DISP1: variants seen among roughly 807,000 people sequenced by gnomAD.
The protein encoded by DISP1 is protein dispatched homolog 1.
Under a neutral mutation model 37.3 loss-of-function variants are expected in DISP1, and 30 were observed. The ratio of observed to expected loss-of-function variants is 0.80; its 90% CI spans 0.60 to 1.09. DISP1 has a LOEUF of 1.09. Ranked by LOEUF, DISP1 falls within the 50% of genes least tolerant of loss-of-function variation. The probability of loss-of-function intolerance (pLI) is 0.00; values close to 1 mark genes in which losing one functional copy is unlikely to be tolerated. For missense variants in DISP1, 1,598 were observed against 1,879.5 expected, an observed-to-expected ratio of 0.85 and a Z score of 2.77; for synonymous variants, 634 against 690.2, an observed-to-expected ratio of 0.92 and a Z score of 1.28.
chr1:222,894,707 C>T (rs1315735833), intron 1 of DISP1, among the ~76,000 whole-genome samples: 2 of 152,184 alleles, frequency 1.3e-5, no homozygotes, highest in African/African-American at 4.8e-5. Flanking sequence ...TTTGCCAATT[C>T]GGAAATGGGT....
At chr1:222,991,682 C>T in intron 6 of DISP1, 35 bp downstream of exon 6, 3 of 1,589,796 alleles carry the variant, frequency 1.9e-6, no homozygotes, top group Non-Finnish European at 2.6e-6. Context: ...AACTTTTAGA[C>T]AAAACATTGC....
At position 222,977,342 on chromosome 1, in the gene DISP1, CTTTTTT is replaced by C. The variant is rs397982983; in HGVS notation, c.510-5724_510-5719del. ...AGCCACCACGCCCGGTCAGCATATT[CTTTTTT>C]TTTTTTTTTTTTTCAAAGAGGGCTG... On this transcript the variant is annotated intron_variant, in intron 3 of 8. Coordinates refer to ENST00000675850, the MANE Select transcript of DISP1 (RefSeq NM_001377229.1). 5.4e-4 allele frequency among the ~76,000 whole-genome samples: 62 copies of C among 113,888 alleles called. 1 individual carries two copies. In the East Asian group the frequency reaches 0.015, roughly 27 times the overall value. 74.7% of individuals were successfully genotyped at this position (113,888 alleles called of 152,430 possible). A position where few individuals can be genotyped will look rare whatever the true frequency, so the allele number is the denominator to read the frequency against.
intron 1 of DISP1, chr1:222,827,630 A>G (rs749909919): frequency 1.5e-4 from 23 of 152,136 alleles, no homozygotes; most frequent in Admixed American, 3.9e-4. Context: ...AATTTATATA[A>G]TTAATAATCA....
At chr1:222,960,209 G>A (rs61837492) in intron 3 of DISP1, among the ~76,000 whole-genome samples, 16,696 of 152,156 alleles carry the variant, frequency 0.11, 966 homozygotes, top group East Asian at 0.27. Context: ...TTCTAAAATC[G>A]ACCACATAGT....
At chr1:222,939,201 A>G (rs1324317528) in intron 2 of DISP1, among the ~76,000 whole-genome samples, 5 of 152,142 alleles carry the variant, frequency 3.3e-5, no homozygotes, top group Admixed American at 2.6e-4. Flanking sequence ...TTTGAACTGC[A>G]TTTTACCATG....
intron 1 of DISP1, among the ~76,000 whole-genome samples, chr1:222,864,200 C>G (rs1669045994): frequency 6.6e-6 from 1 of 152,238 alleles, no homozygotes; most frequent in East Asian, 1.9e-4. Flanking sequence ...ACTCCCATTT[C>G]CAACAGTGAG....
At chr1:222,871,110 G>A (rs531014731) in intron 1 of DISP1, among the ~76,000 whole-genome samples, 83 of 151,824 alleles carry the variant, frequency 5.5e-4, no homozygotes, top group African/African-American at 1.9e-3. Flanking sequence ...TAGATACGCG[G>A]CATTATTTCT....
rs190362253 is a variant in DISP1, at chr1:222,862,362, T to G, written c.-159+47284T>G. 9.0e-4 allele frequency among the ~76,000 whole-genome samples: 137 copies of G among 152,270 alleles called. 4 individuals carry two copies. In the South Asian group the frequency reaches 0.028, roughly 31 times the overall value. ...AGTTGTTGCCATTACACCCTTTTAC[T>G]CCTAAACACTTTAGTATGTAGTTCC... On this transcript the variant is annotated intron_variant, in intron 1 of 8. Transcript: ENST00000675850.
At chr1:222,851,075 T>A (rs1368026540) in intron 1 of DISP1, among the ~76,000 whole-genome samples, 1 of 150,266 alleles carries the variant, frequency 6.7e-6, no homozygotes, top group East Asian at 1.9e-4. Flanking sequence ...TTTTTTTTTT[T>A]TTTTTTTGAG....
chr1:222,839,930 C>CAAA lies in DISP1; in HGVS notation c.-159+24863_-159+24865dup, dbSNP rs113532897. On this transcript the variant is annotated intron_variant, in intron 1 of 8. Transcript: ENST00000675850. ...CCTGGGTAACAGAGCAAGACTGTCT[C>CAAA]AAAAAAAAAAAAATGCATTTAGTAC... is the stretch of plus-strand genomic sequence containing the variant. 4.3e-3 allele frequency among the ~76,000 whole-genome samples: 631 copies of CAAA among 145,576 alleles called. 5 individuals are homozygous for CAAA. The highest frequency in any genetic ancestry group is 0.015 in the African/African-American group (582 of 39,704).
At chr1:222,991,877 T>A in intron 6 of DISP1, 136 bp from the exon 7 acceptor site, 3 of 842,846 alleles carry the variant, frequency 3.6e-6, no homozygotes, top group Non-Finnish European at 5.7e-6. Context: ...TAATGTTGGT[T>A]GCTTCTTCTA....
intron 1 of DISP1, among the ~76,000 whole-genome samples, chr1:222,896,785 A>G (rs1227580636): frequency 1.3e-5 from 2 of 152,206 alleles, no homozygotes; most frequent in Non-Finnish European, 2.9e-5. Flanking sequence ...GATGGCCAAT[A>G]AGCACATGGA....
intron 1 of DISP1, among the ~76,000 whole-genome samples, chr1:222,897,174 A>G (rs939845820): frequency 6.6e-6 from 1 of 152,242 alleles, no homozygotes; most frequent in African/African-American, 2.4e-5. Flanking sequence ...ATAAAAAGAC[A>G]GCACGGATGA....
At chr1:222,898,747 TG>T (rs1030880984) in intron 1 of DISP1, among the ~76,000 whole-genome samples, 2 of 152,154 alleles carry the variant, frequency 1.3e-5, no homozygotes, top group African/African-American at 4.8e-5. Context: ...CTGCACTTGG[TG>T]GGAAGATACT....
At chr1:222,840,268 G>A (rs1011899056) in intron 1 of DISP1, among the ~76,000 whole-genome samples, 3 of 152,096 alleles carry the variant, frequency 2.0e-5, no homozygotes, top group African/African-American at 7.2e-5. Context: ...TTTAGACCGA[G>A]TCTCACTCTG....
chr1:222,879,095 A>G (rs1206849323), intron 1 of DISP1, among the ~76,000 whole-genome samples: 1 of 152,098 alleles, frequency 6.6e-6, no homozygotes, highest in Non-Finnish European at 1.5e-5. Flanking sequence ...TCACAGTTTT[A>G]CCTTATACTG....
chr1:222,956,747 A>G (rs1371448549), intron 3 of DISP1, among the ~76,000 whole-genome samples: 1 of 152,148 alleles, frequency 6.6e-6, no homozygotes, highest in Non-Finnish European at 1.5e-5. Flanking sequence ...TCATTCCAGT[A>G]TTCCATGCTC....
At chr1:222,821,922 C>G (rs1358884645) in intron 1 of DISP1, among the ~76,000 whole-genome samples, 1 of 151,156 alleles carries the variant, frequency 6.6e-6, no homozygotes, top group African/African-American at 2.4e-5. Context: ...TCCCTGAGCT[C>G]TCTCTCTTTT....
intron 1 of DISP1, among the ~76,000 whole-genome samples, chr1:222,853,890 T>G (rs1467571953): frequency 6.6e-6 from 1 of 152,198 alleles, no homozygotes; most frequent in Non-Finnish European, 1.5e-5. Context: ...AGAAGAAGGA[T>G]GTTGAGCATT....
Sources: allele counts gnomAD v4.1 joint callset (sites outside exome capture counted in the v4.1 genomes callset), GRCh38; gene constraint gnomAD v4.1.1; transcripts MANE v1.5; gene names NCBI Gene and HGNC (gene_info 2026-07-23, HGNC 2026-07-21).